NRDE2: variants seen among roughly 807,000 people sequenced by gnomAD.
NRDE2 encodes the protein nuclear exosome regulator NRDE2.
Under a neutral mutation model 124.2 loss-of-function variants are expected in NRDE2, and 76 were observed. The ratio of observed to expected loss-of-function variants is 0.61; its 90% CI spans 0.51 to 0.74. NRDE2 has a LOEUF of 0.74. Among genes scored for constraint, NRDE2 ranks in the 30% least tolerant of loss-of-function variants. The pLI is 0.00. For synonymous variants in NRDE2, 489 were observed against 528.1 expected (o/e 0.93, Z 1.01); for missense variants, 1,314 against 1,417.3 (o/e 0.93, Z 1.17).
intron 12 of NRDE2, among the ~76,000 whole-genome samples, 168 bp downstream of exon 12, chr14:90,286,185 AT>A (rs2139671078): frequency 6.6e-6 from 1 of 152,328 alleles, no homozygotes; most frequent in South Asian, 2.1e-4. Flanking sequence ...ATCTGACATT[AT>A]TCCATCAGGA....
chr14:90,311,442 G>A (rs1051007550), intron 4 of NRDE2, among the ~76,000 whole-genome samples: 2 of 152,080 alleles, frequency 1.3e-5, no homozygotes, highest in Non-Finnish European at 2.9e-5. Context: ...TCTTTCCTGT[G>A]CTGTTCTCGT....
rs74083233 is a variant in NRDE2, at chr14:90,298,157, T to C, written c.1666+103A>G. 4,635 of 1,239,182 alleles carry C rather than the reference T, an allele frequency of 3.7e-3. 132 individuals are homozygous for C. The African/African-American group carries it at 0.062, about 17-fold the overall frequency. 76.8% of individuals were successfully genotyped at this position (1,239,182 alleles called of 1,614,324 possible). A position where few individuals can be genotyped will look rare whatever the true frequency, so the allele number is the denominator to read the frequency against. On this transcript the variant is annotated intron_variant, in intron 8 of 13. Coordinates refer to ENST00000354366, the MANE Select transcript of NRDE2 (RefSeq NM_017970.4). ...ACATTTTGATGTTTGTGCAATATTC[T>C]GAAGCTACTGATAAATAGCTTAAGC...
rs918066383 is a variant in NRDE2 at position 90,269,511 on chromosome 14, C to T, written c.*8825G>A. 6.8e-6 allele frequency: 11 copies of T among 1,613,842 alleles called. No individual in the cohort carries two copies. Among genetic ancestry groups the T allele is most frequent in the Non-Finnish European group, 9.3e-6 (11 of 1,179,984 alleles). On this transcript the variant is annotated 3_prime_UTR_variant, in exon 14 of 14. Transcript: ENST00000354366. ...ATGTGAAAGTTATCATGGCCACAAA[C>T]CGAATAGAAACTTTGGATCCAGCAC...
At chr14:90,302,004 A>G (rs1884422183) in intron 6 of NRDE2, among the ~76,000 whole-genome samples, 1 of 152,222 alleles carries the variant, frequency 6.6e-6, no homozygotes, top group South Asian at 2.1e-4. Context: ...TTAATACTCA[A>G]TAACAGGGGT....
intron 8 of NRDE2, among the ~76,000 whole-genome samples, chr14:90,296,114 T>A (rs544287088): frequency 1.3e-5 from 2 of 152,190 alleles, no homozygotes; most frequent in East Asian, 3.9e-4. Context: ...CAGCAAACCG[T>A]GTAACAGATA....
intron 9 of NRDE2, among the ~76,000 whole-genome samples, chr14:90,290,983 T>C (rs1239711775): frequency 5.3e-5 from 8 of 152,216 alleles, no homozygotes; most frequent in African/African-American, 1.9e-4. Context: ...TAACGCATGA[T>C]GGTGAAAAAT....
At chr14:90,324,045 G>A (rs1885332709) in intron 1 of NRDE2, among the ~76,000 whole-genome samples, 1 of 152,160 alleles carries the variant, frequency 6.6e-6, no homozygotes, top group Non-Finnish European at 1.5e-5. Context: ...AGGGAATAAT[G>A]ACAGCACGCT....
chr14:90,279,468 T>C (rs1223539522), intron 12 of NRDE2: 2 of 244,476 alleles, frequency 8.2e-6, no homozygotes, highest in Non-Finnish European at 1.6e-5. Context: ...GGAGTGTCAG[T>C]GAGGTGAGGC....
Position 90,288,441 on chromosome 14 carries a change from G to A in NRDE2, c.2934C>T (p.Tyr978=). 4 of 1,614,178 alleles carry A rather than the reference G, an allele frequency of 2.5e-6. No individual in the cohort carries two copies. The highest frequency in any genetic ancestry group is 3.4e-6 in the Non-Finnish European group (4 of 1,180,040). Residue 978 remains tyrosine, a synonymous_variant, in exon 11 of 14, where the codon TAC becomes TAT. Coordinates refer to ENST00000354366, the MANE Select transcript of NRDE2 (RefSeq NM_017970.4). ...LLRFHMKVSV[Y]PLAPLREALS... is the part of the protein sequence containing the mutation. The stretch of plus-strand genomic sequence containing the variant: ...GTGCCTCTCGCAGAGGGGCCAGCGG[G>A]TAAACACTCACTTTCATGTGGAATC...
chr14:90,318,798 CAAACA>C (rs967025175), intron 1 of NRDE2, among the ~76,000 whole-genome samples: 10 of 152,064 alleles, frequency 6.6e-5, no homozygotes, highest in Non-Finnish European at 1.5e-4. Flanking sequence ...GACTCCATCT[CAAACA>C]AAACAAAACA....
At position 90,290,527 on chromosome 14, in the gene NRDE2, C is replaced by T; in HGVS notation, c.1923G>A (p.Leu641=). The T allele has an allele frequency of 6.2e-7, 1 of 1,614,000 alleles. No individual in the cohort carries two copies. Among genetic ancestry groups the T allele is most frequent in the South Asian group, 1.1e-5 (1 of 91,088 alleles). The change falls in exon 10 of 14, where the codon CTG becomes CTA. Residue 641 remains leucine (L), a synonymous_variant. Transcript: ENST00000354366. ...AGCCAGAAGGCACACCCAAGAACTG[C>T]AGGAAGGCCTCCACCAGCTGGAACT... is the stretch of plus-strand genomic sequence containing the variant. The part of the protein sequence containing the change: ...DLQFQLVEAF[L]QFLGVPSGFT...
At position 90,318,000 on chromosome 14, in the gene NRDE2, A is replaced by G. The variant is rs1285822038; in HGVS notation, c.173+5T>C. On this transcript the variant is annotated splice_donor_5th_base_variant and intron_variant, in intron 2 of 13. Transcript: ENST00000354366. Reference sequence around the variant, plus strand: ...ACGAAAACACATCTGTCAAACAAAAACTACCTTGTCAGCGGTAACCCTTCA... The same window carrying G: ...ACGAAAACACATCTGTCAAACAAAAGCTACCTTGTCAGCGGTAACCCTTCA... 1 of 1,611,442 alleles carries G rather than the reference A, an allele frequency of 6.2e-7. No homozygotes were observed. Among genetic ancestry groups the G allele is most frequent in the Non-Finnish European group, 8.5e-7 (1 of 1,178,752 alleles).
chr14:90,313,423 G>A (rs1042707175), intron 3 of NRDE2, among the ~76,000 whole-genome samples: 2 of 151,930 alleles, frequency 1.3e-5, no homozygotes, highest in Admixed American at 6.6e-5. Context: ...ACCGTGCCCG[G>A]CTCAGCCTCA....
At position 90,275,588 on chromosome 14, in the gene NRDE2, T is replaced by A. The variant is rs2139658875; in HGVS notation, c.*2748A>T. ...AACTGCGCCCCACCCCAGCTGCTTC[T>A]CCAGTTTGCTTACTGACCAAAATGC... On this transcript the variant is annotated 3_prime_UTR_variant, in exon 14 of 14. Transcript: ENST00000354366. 1 of 152,296 alleles carries A rather than the reference T, an allele frequency of 6.6e-6. No homozygotes were observed. 9.4% of individuals were successfully genotyped at this position (152,296 alleles called of 1,614,324 possible). A position where few individuals can be genotyped will look rare whatever the true frequency, so the allele number is the denominator to read the frequency against.
At chr14:90,324,521 C>A (rs1885350664) in intron 1 of NRDE2, among the ~76,000 whole-genome samples, 1 of 151,684 alleles carries the variant, frequency 6.6e-6, no homozygotes, top group Non-Finnish European at 1.5e-5. Flanking sequence ...ACTAGAAATA[C>A]AAAAATTAGC....
At position 90,304,865 on chromosome 14, in the gene NRDE2, T is replaced by A. The variant is rs529744199; in HGVS notation, c.558-483A>T. Among the ~76,000 whole-genome samples, 10 of 152,314 alleles carry A rather than the reference T, an allele frequency of 6.6e-5. No homozygotes were observed. In the South Asian group the frequency reaches 2.1e-3, roughly 32 times the overall value. On this transcript the variant is annotated intron_variant, in intron 4 of 13. Coordinates refer to ENST00000354366, the MANE Select transcript of NRDE2 (RefSeq NM_017970.4). ...TGTCCCTACTTAAGAAGATAACATA[T>A]AGGCCTAAGATTCTTTTTTTAATCC... is the stretch of plus-strand genomic sequence containing the variant.
intron 8 of NRDE2, among the ~76,000 whole-genome samples, chr14:90,295,723 TAAGAG>T (rs1657099005): frequency 6.6e-6 from 1 of 152,208 alleles, no homozygotes; most frequent in African/African-American, 2.4e-5. Flanking sequence ...TCAGGGTAAA[TAAGAG>T]AAGTTAAAAA....
intron 4 of NRDE2, among the ~76,000 whole-genome samples, chr14:90,309,288 G>C (rs1464568685): frequency 6.6e-6 from 1 of 150,944 alleles, no homozygotes; most frequent in Non-Finnish European, 1.5e-5. Context: ...AATAAATTTG[G>C]GCGAATTTTA....
chr14:90,312,330 A>G, intron 4 of NRDE2, 64 bp downstream of exon 4: 21 of 1,517,698 alleles, frequency 1.4e-5, no homozygotes, highest in Non-Finnish European at 1.9e-5. Context: ...CAGTGCCAAG[A>G]GAGTTCCGAG....
Sources: gnomAD v4.1 joint callset for allele counts (sites outside exome capture counted in the v4.1 genomes callset) on GRCh38, gnomAD v4.1.1 for gene constraint, MANE v1.5 for transcripts, NCBI Gene and HGNC (gene_info 2026-07-23, HGNC 2026-07-21) for gene names.